The following EXT1 variants were observed in gnomAD, a reference collection of about 807,000 sequenced individuals.
The protein encoded by EXT1 is exostosin glycosyltransferase 1.
A neutral mutation model predicts 82.5 loss-of-function variants in EXT1; 20 were observed. The ratio of observed to expected loss-of-function variants is 0.24; its 90% CI spans 0.17 to 0.35. The LOEUF is 0.35. Among genes scored for constraint, EXT1 ranks in the 10% least tolerant of loss-of-function variants. The pLI, the probability that EXT1 is intolerant of heterozygous loss-of-function variation, is 1.00. For missense variants in EXT1, 757 were observed against 936.5 expected (o/e 0.81, Z 2.50); for synonymous variants, 348 against 350.8 (o/e 0.99, Z 0.09).
chr8:117,994,804 C>A (rs537235794), intron 1 of EXT1, among the ~76,000 whole-genome samples: 1 of 152,186 alleles, frequency 6.6e-6, no homozygotes, highest in South Asian at 2.1e-4. Flanking sequence ...AGAAATATAT[C>A]TAACTGTCGG....
At chr8:117,863,529 C>T (rs115517571) in intron 1 of EXT1, among the ~76,000 whole-genome samples, 2,207 of 151,118 alleles carry the variant, frequency 0.015, 46 homozygotes, top group African/African-American at 0.047. Context: ...GCACAGAGTA[C>T]ACGCCTAGAC....
intron 1 of EXT1, among the ~76,000 whole-genome samples, chr8:117,894,666 C>T (rs1813304857): frequency 6.6e-6 from 1 of 152,266 alleles, no homozygotes; most frequent in South Asian, 2.1e-4. Context: ...AGTTATGCCA[C>T]ATCCTTCCAA....
chr8:117,806,753 T>C (rs1276563329), intron 9 of EXT1, among the ~76,000 whole-genome samples: 1 of 152,234 alleles, frequency 6.6e-6, no homozygotes, highest in Admixed American at 6.5e-5. Flanking sequence ...GATCCTTTTC[T>C]ACACTTTGTC....
intron 3 of EXT1, among the ~76,000 whole-genome samples, chr8:117,833,793 G>A (rs1376272327): frequency 1.3e-4 from 20 of 152,090 alleles, no homozygotes; most frequent in Admixed American, 1.3e-3. Context: ...TAATGATCAT[G>A]TATTATTTTT....
intron 1 of EXT1, among the ~76,000 whole-genome samples, chr8:117,992,845 C>A (rs757537358): frequency 6.6e-6 from 1 of 152,224 alleles, no homozygotes; most frequent in Non-Finnish European, 1.5e-5. Context: ...TAAGTCTCTT[C>A]TTCCCGGAAT....
intron 1 of EXT1, among the ~76,000 whole-genome samples, chr8:117,996,203 G>A (rs1303676223): frequency 6.6e-6 from 1 of 152,256 alleles, no homozygotes; most frequent in Non-Finnish European, 1.5e-5. Context: ...TACAGGAAGC[G>A]GCCACAGAAA....
chr8:118,036,681 A>G (rs1476497662), intron 1 of EXT1, among the ~76,000 whole-genome samples: 3 of 152,196 alleles, frequency 2.0e-5, no homozygotes, highest in Non-Finnish European at 4.4e-5. Flanking sequence ...GTACACATTT[A>G]GTAAGGTCAC....
intron 1 of EXT1, among the ~76,000 whole-genome samples, chr8:117,856,215 A>G (rs529368221): frequency 6.6e-6 from 1 of 151,888 alleles, no homozygotes; most frequent in East Asian, 1.9e-4. Context: ...AACCATCCAC[A>G]ACATTCCCCT....
intron 1 of EXT1, among the ~76,000 whole-genome samples, chr8:117,931,786 T>C (rs1486296393): frequency 1.3e-5 from 2 of 152,242 alleles, no homozygotes; most frequent in Admixed American, 6.5e-5. Flanking sequence ...CAGGACATCA[T>C]AGCCTTAAAA....
chr8:117,820,937 A>G (rs1277602910), intron 5 of EXT1, among the ~76,000 whole-genome samples: 1 of 152,208 alleles, frequency 6.6e-6, no homozygotes, highest in Admixed American at 6.5e-5. Context: ...GTTAAAAAGG[A>G]TCATAGATAT....
intron 4 of EXT1, among the ~76,000 whole-genome samples, chr8:117,826,421 T>C (rs2129760022): frequency 6.6e-6 from 1 of 152,314 alleles, no homozygotes; most frequent in South Asian, 2.1e-4. Flanking sequence ...CTCTATGCTG[T>C]AACTGTGAGT....
intron 1 of EXT1, among the ~76,000 whole-genome samples, chr8:117,945,983 A>G (rs1165655463): frequency 1.3e-5 from 2 of 152,044 alleles, no homozygotes; most frequent in Non-Finnish European, 2.9e-5. Context: ...GCTCACTGCA[A>G]CCTTCACCTC....
chr8:117,955,457 C>A (rs1210449117), intron 1 of EXT1, among the ~76,000 whole-genome samples: 1 of 152,200 alleles, frequency 6.6e-6, no homozygotes, highest in East Asian at 1.9e-4. Flanking sequence ...AGGTTTATCA[C>A]CCAGGAAATT....
Position 117,899,974 on chromosome 8 carries a change from GCAAAA to G in EXT1, c.963-62778_963-62774del, listed in dbSNP as rs578033390. ...TGGTGAAGTTCTCCGTTCAACTACA[GCAAAA>G]TGGACTGAGCTCCCATCACATGCCA... On this transcript the variant is annotated intron_variant, in intron 1 of 10. Transcript: ENST00000378204. 3.3e-3 allele frequency among the ~76,000 whole-genome samples: 499 copies of G among 152,306 alleles called. 2 individuals are homozygous for G. The highest frequency in any genetic ancestry group is 0.011 in the African/African-American group (475 of 41,566).
At chr8:118,008,842 C>CA (rs1815835861) in intron 1 of EXT1, among the ~76,000 whole-genome samples, 1 of 152,118 alleles carries the variant, frequency 6.6e-6, no homozygotes, top group South Asian at 2.1e-4. Flanking sequence ...TCCCACCTCA[C>CA]AGAGTTTTTT....
At chr8:118,012,984 A>C (rs564707128) in intron 1 of EXT1, among the ~76,000 whole-genome samples, 2 of 152,280 alleles carry the variant, frequency 1.3e-5, no homozygotes, top group East Asian at 3.9e-4. Flanking sequence ...AGCAAATGAA[A>C]ACATGCATAA....
chr8:117,833,728 T>C (rs1163621021), intron 3 of EXT1, among the ~76,000 whole-genome samples: 4 of 152,190 alleles, frequency 2.6e-5, no homozygotes, highest in Non-Finnish European at 5.9e-5. Flanking sequence ...CATTGGTATA[T>C]AAAAGGAAAA....
intron 1 of EXT1, among the ~76,000 whole-genome samples, chr8:118,010,974 A>G (rs1316239857): frequency 6.6e-6 from 1 of 152,228 alleles, no homozygotes; most frequent in East Asian, 1.9e-4. Context: ...CTGAGAGGAC[A>G]ACAGGAGCTT....
chr8:118,077,651 A>G (rs1817236427), intron 1 of EXT1, among the ~76,000 whole-genome samples: 1 of 152,200 alleles, frequency 6.6e-6, no homozygotes, highest in Non-Finnish European at 1.5e-5. Context: ...ATTATTCTGA[A>G]AAGCAATAAA....
Sources: allele counts gnomAD v4.1 joint callset (sites outside exome capture counted in the v4.1 genomes callset), GRCh38; gene constraint gnomAD v4.1.1; transcripts MANE v1.5; gene names NCBI Gene and HGNC (gene_info 2026-07-23, HGNC 2026-07-21).